MYO16: variants seen among roughly 807,000 people sequenced by gnomAD.
MYO16 encodes unconventional myosin-XVI.
Under a neutral mutation model 205.3 loss-of-function variants are expected in MYO16, and 94 were observed. The observed-to-expected ratio is 0.46, with a 90% confidence interval of 0.39 to 0.54. MYO16 has a LOEUF of 0.54. Among genes scored for constraint, MYO16 ranks in the 20% least tolerant of loss-of-function variants. The probability of loss-of-function intolerance (pLI) is 0.00; values close to 1 mark genes in which losing one functional copy is unlikely to be tolerated. For synonymous variants in MYO16, 988 were observed against 954.0 expected (o/e 1.04, Z -0.66); for missense variants, 2,315 against 2,387.5 (o/e 0.97, Z 0.63).
intron 21 of MYO16, among the ~76,000 whole-genome samples, chr13:108,992,730 G>A (rs1884877666): frequency 1.3e-5 from 2 of 152,090 alleles, no homozygotes; most frequent in South Asian, 4.1e-4. Flanking sequence ...ATTTCAACTA[G>A]GTCAGAGAGA....
At chr13:108,717,823 G>T (rs915711566) in intron 3 of MYO16, among the ~76,000 whole-genome samples, 4 of 152,100 alleles carry the variant, frequency 2.6e-5, no homozygotes, top group African/African-American at 4.8e-5. Flanking sequence ...AGTGACTCAG[G>T]TTGGGGAAAA....
At chr13:109,062,255 C>A (rs921240835) in intron 27 of MYO16, among the ~76,000 whole-genome samples, 39 of 152,210 alleles carry the variant, frequency 2.6e-4, no homozygotes, top group African/African-American at 9.4e-4. Context: ...TAGACTATAA[C>A]TTCTTCTAAA....
intron 16 of MYO16, among the ~76,000 whole-genome samples, chr13:108,939,520 T>A (rs1370862238): frequency 6.6e-6 from 1 of 152,198 alleles, no homozygotes; most frequent in Non-Finnish European, 1.5e-5. Flanking sequence ...AAATGGGGTT[T>A]TAATTGGGTT....
At chr13:108,812,885 G>A (rs1459648680) in intron 7 of MYO16, among the ~76,000 whole-genome samples, 1 of 152,052 alleles carries the variant, frequency 6.6e-6, no homozygotes, top group Non-Finnish European at 1.5e-5. Context: ...CATTTAATGG[G>A]GCATCTTGAA....
intron 33 of MYO16, among the ~76,000 whole-genome samples, chr13:109,168,209 G>T (rs1452820047): frequency 6.6e-6 from 1 of 151,886 alleles, no homozygotes; most frequent in Non-Finnish European, 1.5e-5. Context: ...AAACACATGT[G>T]AAAATAAACT....
At chr13:108,987,165 T>G (rs1203022170) in intron 20 of MYO16, among the ~76,000 whole-genome samples, 1 of 152,200 alleles carries the variant, frequency 6.6e-6, no homozygotes, top group African/African-American at 2.4e-5. Context: ...AGGGAATGAC[T>G]GCATCTAGGA....
the MYO16 span, among the ~76,000 whole-genome samples, chr13:108,533,357 G>C: frequency 1.9e-4 from 29 of 152,258 alleles, no homozygotes; most frequent in African/African-American, 7.0e-4. Flanking sequence ...ACTCAGGGTG[G>C]GGCTGGCCCA....
intron 6 of MYO16, among the ~76,000 whole-genome samples, chr13:108,796,194 G>T (rs1482978181): frequency 2.0e-5 from 3 of 152,172 alleles, no homozygotes; most frequent in Non-Finnish European, 4.4e-5. Flanking sequence ...GAGAGGAGGG[G>T]CATGAGCCTG....
In MYO16 at chr13:108,861,166, T is replaced by C. The variant is rs529367119; in HGVS notation, c.1360-5011T>C. Among the ~76,000 whole-genome samples the C allele has an allele frequency of 2.0e-5, 3 of 152,288 alleles. No homozygotes were observed. The South Asian group carries it at 6.2e-4, about 32-fold the overall frequency. ...TGAACACACCCACGTAACCTGCAGC[T>C]TCATAATGTAATAGAAGAGAGAAGT... On this transcript the variant is annotated intron_variant, in intron 11 of 34. Coordinates refer to ENST00000457511, the MANE Select transcript of MYO16 (RefSeq NM_001198950.3).
intron 11 of MYO16, among the ~76,000 whole-genome samples, chr13:108,856,540 G>C (rs1878180402): frequency 6.6e-6 from 1 of 152,170 alleles, no homozygotes; most frequent in Admixed American, 6.5e-5. Flanking sequence ...GCATAAAGTG[G>C]TGAGAGCTGA....
intron 28 of MYO16, among the ~76,000 whole-genome samples, chr13:109,113,572 T>A (rs1875518124): frequency 6.6e-6 from 1 of 152,222 alleles, no homozygotes; most frequent in Non-Finnish European, 1.5e-5. Context: ...ATGGAGCTAC[T>A]GAAATTATTC....
intron 4 of MYO16, among the ~76,000 whole-genome samples, chr13:108,729,117 G>A (rs1373416004): frequency 6.6e-6 from 1 of 151,690 alleles, no homozygotes; most frequent in African/African-American, 2.4e-5. Flanking sequence ...TTTTTAGAGG[G>A]CTAGTACTGT....
the MYO16 span, among the ~76,000 whole-genome samples, chr13:108,499,324 G>A: frequency 0.046 from 7,042 of 152,292 alleles, 210 homozygotes; most frequent in South Asian, 0.066. Flanking sequence ...CTGGCGAGGT[G>A]TGCTCCTTGG....
chr13:109,083,791 A>G (rs1039180695), intron 27 of MYO16, among the ~76,000 whole-genome samples: 1 of 152,184 alleles, frequency 6.6e-6, no homozygotes, highest in South Asian at 2.1e-4. Context: ...TCAGGACAGC[A>G]TGAGAGAGTT....
intron 11 of MYO16, among the ~76,000 whole-genome samples, chr13:108,863,769 A>G (rs1878570289): frequency 6.6e-6 from 1 of 152,106 alleles, no homozygotes; most frequent in Non-Finnish European, 1.5e-5. Flanking sequence ...TTTATTTTGT[A>G]CATCAATGTT....
At chr13:109,017,776 G>A (rs1207779346) in intron 22 of MYO16, among the ~76,000 whole-genome samples, 2 of 152,060 alleles carry the variant, frequency 1.3e-5, no homozygotes, top group African/African-American at 2.4e-5. Flanking sequence ...GCTTGTGCAT[G>A]CGTCACGTAG....
intron 20 of MYO16, among the ~76,000 whole-genome samples, chr13:108,984,963 G>T (rs1331376649): frequency 3.3e-5 from 5 of 152,190 alleles, no homozygotes; most frequent in African/African-American, 7.2e-5. Flanking sequence ...AAGGAAAGAA[G>T]TCTCTTATTG....
At chr13:108,683,881 C>A (rs1882565013) in intron 2 of MYO16, among the ~76,000 whole-genome samples, 3 of 152,074 alleles carry the variant, frequency 2.0e-5, no homozygotes, top group Admixed American at 2.0e-4. Flanking sequence ...GATGTGTTGC[C>A]TTCTTTTCGT....
At chr13:108,715,248 C>G (rs899434992) in intron 3 of MYO16, among the ~76,000 whole-genome samples, 4 of 152,186 alleles carry the variant, frequency 2.6e-5, no homozygotes, top group African/African-American at 9.7e-5. Context: ...GCACATGCCT[C>G]TCAGATGTAC....
Sources: allele counts gnomAD v4.1 joint callset (sites outside exome capture counted in the v4.1 genomes callset), GRCh38; gene constraint gnomAD v4.1.1; transcripts MANE v1.5; gene names NCBI Gene and HGNC (gene_info 2026-07-23, HGNC 2026-07-21).